The following MAOA variants were observed in gnomAD, a reference collection of about 807,000 sequenced individuals.
MAOA encodes the protein monoamine oxidase A, also known as amine oxidase [flavin-containing] A.
MAOA carries 6 observed loss-of-function variants against 42.0 expected under a neutral mutation model. The ratio of observed to expected loss-of-function variants is 0.14; its 90% confidence interval spans 0.08 to 0.28. The LOEUF is 0.28. Ranked by LOEUF, MAOA falls within the 10% of genes least tolerant of loss-of-function variation. The pLI, the probability that MAOA is intolerant of heterozygous loss-of-function variation, is 1.00. For missense variants in MAOA, 262 were observed against 422.3 expected, an observed-to-expected ratio of 0.62 and a Z score of 3.33; for synonymous variants, 140 against 154.0, an observed-to-expected ratio of 0.91 and a Z score of 0.67.
intron 11 of MAOA, 143 bp from the exon 12 acceptor site, chrX:43,741,807 C>T: frequency 9.4e-7 from 1 of 1,068,624 alleles, no homozygotes; most frequent in Non-Finnish European, 1.3e-6. Context: ...TTGGTACTAT[C>T]ATGTTTCCCC....
chrX:43,703,786 G>A (rs778977753), intron 3 of MAOA, among the ~76,000 whole-genome samples: 8 of 111,530 alleles, frequency 7.2e-5, no homozygotes, highest in East Asian at 2.8e-4. Flanking sequence ...GTCCTAGGAA[G>A]CCTGGCAATA....
Position 43,724,971 on chromosome X carries a change from T to C in MAOA, c.504-3202T>C, listed in dbSNP as rs184705707. Reference sequence around the variant, plus strand: ...AAGAGCAGGTTGTTCAGTTTCCAAGTAGTTGTGCGGTTTTGAGTGAGTTTC... The same window carrying C: ...AAGAGCAGGTTGTTCAGTTTCCAAGCAGTTGTGCGGTTTTGAGTGAGTTTC... On this transcript the variant is annotated intron_variant, in intron 5 of 14. Coordinates refer to ENST00000338702, the MANE Select transcript of MAOA (RefSeq NM_000240.4). Among the ~76,000 whole-genome samples the C allele has an allele frequency of 1.6e-3, 178 of 112,062 alleles. 1 individual carries two copies. The highest frequency in any genetic ancestry group is 5.7e-3 in the African/African-American group (176 of 30,815).
intron 2 of MAOA, among the ~76,000 whole-genome samples, chrX:43,690,753 T>C (rs1300802397): frequency 8.9e-6 from 1 of 111,774 alleles, no homozygotes; most frequent in African/African-American, 3.2e-5. Context: ...AGCTTTTTTT[T>C]TCCTTTTCTT....
intron 1 of MAOA, among the ~76,000 whole-genome samples, chrX:43,662,092 T>C (rs1021329210): frequency 1.8e-5 from 2 of 111,614 alleles, no homozygotes; most frequent in African/African-American, 6.5e-5. Context: ...TTTTAGGCAT[T>C]TTAACCCAGA....
chrX:43,673,215 A>G (rs761825935), intron 1 of MAOA, among the ~76,000 whole-genome samples: 1 of 111,262 alleles, frequency 9.0e-6, no homozygotes, highest in African/African-American at 3.3e-5. Flanking sequence ...AGATTTTCTA[A>G]TTTATTTGCA....
chrX:43,713,754 G>T (rs780069487), intron 5 of MAOA, among the ~76,000 whole-genome samples: 7 of 111,686 alleles, frequency 6.3e-5, no homozygotes, highest in African/African-American at 2.3e-4. Context: ...AACCTTACAT[G>T]GTCTGAGGGT....
At position 43,731,710 on chromosome X, in the gene MAOA, A is replaced by G. The variant is rs2147103024; in HGVS notation, c.812A>G (p.Asn271Ser). ...GTGTTTTAGTGCAAATACGTAATTA[A>G]TGCGATCCCTCCGACCTTGACTGCC... ...HEHYECKYVINAIPPTLTAKI... is the reference protein window; with the variant it reads ...HEHYECKYVISAIPPTLTAKI... Residue 271 changes from asparagine (N) to serine (S), a missense_variant, in exon 8 of 15, where the codon AAT (asparagine) becomes AGT (serine). Coordinates refer to ENST00000338702, the MANE Select transcript of MAOA (RefSeq NM_000240.4). 8.3e-7 allele frequency: 1 copy of G among 1,211,199 alleles called. No individual in the cohort carries two copies. The highest frequency in any genetic ancestry group is 1.1e-6 in the Non-Finnish European group (1 of 895,137).
intron 3 of MAOA, among the ~76,000 whole-genome samples, chrX:43,695,028 C>G (rs945664171): frequency 1.8e-5 from 2 of 112,172 alleles, no homozygotes; most frequent in Middle Eastern, 9.3e-3. Flanking sequence ...CCCCATTTTA[C>G]GTTTGAGAAA....
At chrX:43,669,274 C>T (rs1227014154) in intron 1 of MAOA, among the ~76,000 whole-genome samples, 4 of 105,909 alleles carry the variant, frequency 3.8e-5, no homozygotes, top group Admixed American at 1.0e-4. Flanking sequence ...AAAAAATACC[C>T]TGGCGTGGTG....
chrX:43,673,778 A>T (rs189615165), intron 1 of MAOA, among the ~76,000 whole-genome samples: 4 of 111,949 alleles, frequency 3.6e-5, no homozygotes, highest in Non-Finnish European at 5.6e-5. Flanking sequence ...CTTAATCCTG[A>T]GTTCTAGTTT....
chrX:43,664,032 C>T (rs1292084438), intron 1 of MAOA, among the ~76,000 whole-genome samples: 1 of 112,286 alleles, frequency 8.9e-6, no homozygotes. Context: ...ACCTCTTCTG[C>T]GTCACTGTCC....
Position 43,731,355 on chromosome X carries a change from A to G in MAOA, c.760A>G (p.Ile254Val), listed in dbSNP as rs772520550. 1 of 1,211,009 alleles carries G rather than the reference A, an allele frequency of 8.3e-7. No individual in the cohort carries two copies. The highest frequency in any genetic ancestry group is 1.1e-6 in the Non-Finnish European group (1 of 894,550). The change falls in exon 7 of 15, where the codon ATC becomes GTC. Residue 254 changes from isoleucine (I) to valine (V), a missense_variant. By Grantham distance (29) the Ile-to-Val change is conservative. Around this residue, in one of 3 missense-constraint regions of MAOA, gnomAD observed 86 missense variants for 190.3 expected, o/e 0.45. Transcript: ENST00000338702. ...VTHVDQSSDNIIIETLNHEHY... is the reference protein window; with the variant it reads ...VTHVDQSSDNVIIETLNHEHY... ...TCACGTTGACCAGTCAAGTGACAAC[A>G]TCATCATAGAGACGCTGAACCATGA...
chrX:43,731,948 AT>A, intron 8 of MAOA, 95 bp downstream of exon 8: 1 of 847,674 alleles, frequency 1.2e-6, no homozygotes, highest in East Asian at 3.2e-5. Flanking sequence ...GAAACAAAGT[AT>A]TTTCAAACTG....
chrX:43,732,437 A>G (rs1395151284), intron 8 of MAOA, among the ~76,000 whole-genome samples: 1 of 110,836 alleles, frequency 9.0e-6, no homozygotes, highest in Non-Finnish European at 1.9e-5. Flanking sequence ...AGCCAGGGTT[A>G]TCTTACCATT....
rs147473180 is a variant in MAOA at position 43,726,185 on chromosome X, G to A, written c.504-1988G>A. On this transcript the variant is annotated intron_variant, in intron 5 of 14. Coordinates refer to ENST00000338702, the MANE Select transcript of MAOA (RefSeq NM_000240.4). ...TCTTTTCGAGGAATATCTTTGTGAT[G>A]TTTTCTGTATTTCCTGAATTTGAAT... 3.9e-4 allele frequency among the ~76,000 whole-genome samples: 43 copies of A among 111,524 alleles called. 2 individuals are homozygous for A. In the East Asian group the frequency reaches 7.3e-3, roughly 19 times the overall value.
chrX:43,729,836 A>G (rs2033866176), intron 6 of MAOA, among the ~76,000 whole-genome samples: 1 of 111,280 alleles, frequency 9.0e-6, no homozygotes, highest in African/African-American at 3.3e-5. Context: ...CAGTTACAAA[A>G]GTGCAAAAAT....
At chrX:43,691,679 G>C (rs2033534798) in intron 2 of MAOA, among the ~76,000 whole-genome samples, 1 of 111,259 alleles carries the variant, frequency 9.0e-6, no homozygotes, top group African/African-American at 3.3e-5. Context: ...TCAAAGAATG[G>C]ATCACTTTAT....
At chrX:43,717,862 T>C (rs2033756896) in intron 5 of MAOA, among the ~76,000 whole-genome samples, 2 of 108,664 alleles carry the variant, frequency 1.8e-5, no homozygotes, top group Admixed American at 9.8e-5. Flanking sequence ...GGGGGAATGA[T>C]GGATGAGGTA....
chrX:43,703,227 A>G (rs961117645), intron 3 of MAOA, among the ~76,000 whole-genome samples: 2 of 111,429 alleles, frequency 1.8e-5, no homozygotes, highest in Non-Finnish European at 3.8e-5. Context: ...GGGCAGGGCC[A>G]CATCCTCCCA....
Sources: allele counts gnomAD v4.1 joint callset (sites outside exome capture counted in the v4.1 genomes callset), GRCh38; gene constraint gnomAD v4.1.1; regional missense constraint gnomAD v4.1.1; transcripts MANE v1.5; gene names NCBI Gene and HGNC (gene_info 2026-07-23, HGNC 2026-07-21).